Variants in LPGAT1 observed in about 807,000 individuals in gnomAD.
The protein encoded by LPGAT1 is lysophosphatidylglycerol acyltransferase 1, also known as acyl-CoA:lysophosphatidylglycerol acyltransferase 1.
LPGAT1 carries 11 observed loss-of-function variants against 47.5 expected under a neutral mutation model. The ratio of observed to expected loss-of-function variants is 0.23; its 90% confidence interval spans 0.15 to 0.38. LPGAT1 has a LOEUF of 0.38. Ranked by LOEUF, LPGAT1 falls within the 10% of genes least tolerant of loss-of-function variation. The pLI, the probability that LPGAT1 is intolerant of heterozygous loss-of-function variation, is 1.00. For synonymous variants in LPGAT1, 138 were observed against 144.2 expected (o/e 0.96, Z 0.31); for missense variants, 293 against 439.0 (o/e 0.67, Z 2.97).
chr1:211,764,716 T>C (rs538770374), intron 6 of LPGAT1, among the ~76,000 whole-genome samples: 114 of 152,260 alleles, frequency 7.5e-4, no homozygotes, highest in Non-Finnish European at 1.3e-3. Context: ...TTTCAGAAAC[T>C]CAAATATGAA....
At chr1:211,819,894 G>T (rs904412921) in intron 2 of LPGAT1, among the ~76,000 whole-genome samples, 1 of 151,538 alleles carries the variant, frequency 6.6e-6, no homozygotes, top group Admixed American at 6.6e-5. Flanking sequence ...CTGAGGCAGA[G>T]AATCGCTTGA....
At chr1:211,778,024 G>A (rs897118570) in intron 6 of LPGAT1, among the ~76,000 whole-genome samples, 1 of 152,152 alleles carries the variant, frequency 6.6e-6, no homozygotes, top group Non-Finnish European at 1.5e-5. Flanking sequence ...GCAACATCAG[G>A]AAGTTACCCT....
intron 6 of LPGAT1, among the ~76,000 whole-genome samples, chr1:211,774,171 G>A (rs1658294578): frequency 2.4e-5 from 2 of 82,580 alleles, no homozygotes; most frequent in Admixed American, 2.0e-4. Flanking sequence ...GTCTTGATCT[G>A]TTGCTCAGGC....
intron 2 of LPGAT1, among the ~76,000 whole-genome samples, chr1:211,811,720 C>T (rs543823320): frequency 1.3e-5 from 2 of 151,830 alleles, no homozygotes; most frequent in Non-Finnish European, 2.9e-5. Flanking sequence ...TCCTGCCACC[C>T]GCCACTGCAC....
intron 6 of LPGAT1, among the ~76,000 whole-genome samples, chr1:211,756,332 T>C (rs527339982): frequency 1.1e-4 from 16 of 152,318 alleles, no homozygotes; most frequent in Non-Finnish European, 2.1e-4. Flanking sequence ...AACAGAAAGA[T>C]GAATTAAAGA....
In LPGAT1 at chr1:211,796,695, C is replaced by G. The variant is rs1318050808; in HGVS notation, c.239-3505G>C. ...TCTCTTCCCTTTCCATTCTATTTTC[C>G]CCAAAATTATAGTCTTTCTTTTCTT... On this transcript the variant is annotated intron_variant, in intron 2 of 7. Transcript: ENST00000366997. Among the ~76,000 whole-genome samples, 3 of 152,070 alleles carry G rather than the reference C, an allele frequency of 2.0e-5. No individual in the cohort carries two copies. In the East Asian group the frequency reaches 5.8e-4, roughly 29 times the overall value.
At chr1:211,795,092 T>C (rs1571739503) in intron 2 of LPGAT1, among the ~76,000 whole-genome samples, 2 of 152,164 alleles carry the variant, frequency 1.3e-5, no homozygotes, top group African/African-American at 4.8e-5. Flanking sequence ...TTTTACAAGA[T>C]GGAAAAGTTT....
At chr1:211,761,579 T>A (rs1446665854) in intron 6 of LPGAT1, among the ~76,000 whole-genome samples, 1 of 152,232 alleles carries the variant, frequency 6.6e-6, no homozygotes, top group Non-Finnish European at 1.5e-5. Context: ...AGAGCTTGAA[T>A]CACCAGATTA....
At chr1:211,812,839 C>A (rs769920604) in intron 2 of LPGAT1, among the ~76,000 whole-genome samples, 1 of 152,198 alleles carries the variant, frequency 6.6e-6, no homozygotes, top group Non-Finnish European at 1.5e-5. Context: ...GGATCTCCCC[C>A]AGAACCTCTG....
At chr1:211,798,528 T>C (rs1218819638) in intron 2 of LPGAT1, among the ~76,000 whole-genome samples, 1 of 151,828 alleles carries the variant, frequency 6.6e-6, no homozygotes, top group Admixed American at 6.6e-5. Flanking sequence ...TATAAAAAAA[T>C]TTAAAATTAG....
intron 2 of LPGAT1, among the ~76,000 whole-genome samples, chr1:211,796,176 G>GT (rs1262216869): frequency 6.6e-6 from 1 of 152,006 alleles, no homozygotes; most frequent in Non-Finnish European, 1.5e-5. Flanking sequence ...GATAAATCTA[G>GT]TAAGTGTGAC....
At chr1:211,794,063 T>C (rs1413298483) in intron 2 of LPGAT1, among the ~76,000 whole-genome samples, 1 of 152,170 alleles carries the variant, frequency 6.6e-6, no homozygotes, top group Non-Finnish European at 1.5e-5. Context: ...GAAAAATAAA[T>C]TTCAAACTGT....
Position 211,830,315 on chromosome 1 carries a change from C to T in LPGAT1, c.-28+258G>A. On this transcript the variant is annotated intron_variant, in intron 1 of 7. Transcript: ENST00000366997. This position sits in a 1 kb window ranked among gnomAD's most constrained non-coding sequence, Gnocchi z 5.9. ...CGCGAGCGGGCGCGCTGGCGCCCTA[C>T]TCCCCTCGCGGCTGCCTGCGGACAG... The T allele has an allele frequency of 9.1e-7, 1 of 1,101,556 alleles. No homozygotes were observed. The highest frequency in any genetic ancestry group is 1.1e-6 in the Non-Finnish European group (1 of 904,618). The allele number at this position is 1,101,556 out of a possible 1,614,324, so 68.2% of individuals were successfully genotyped here.
At chr1:211,817,852 G>C (rs1304656545) in intron 2 of LPGAT1, among the ~76,000 whole-genome samples, 1 of 151,934 alleles carries the variant, frequency 6.6e-6, no homozygotes, top group Non-Finnish European at 1.5e-5. Context: ...TTTGTTTTGA[G>C]ACAGAGTCTC....
At position 211,830,507 on chromosome 1, in the gene LPGAT1, C is replaced by A; in HGVS notation, c.-28+66G>T. On this transcript the variant is annotated intron_variant, in intron 1 of 7. Transcript: ENST00000366997. The surrounding 1 kb of genome is among the most constrained non-coding windows in gnomAD (Gnocchi z 5.9). ...GACGACGACACCCCCTTCCCCGCCCCCAGCGCCTCCCCTGGCCCGGCTCCG... is the reference window on the plus strand; with the variant it reads ...GACGACGACACCCCCTTCCCCGCCCACAGCGCCTCCCCTGGCCCGGCTCCG... 8.3e-7 allele frequency: 1 copy of A among 1,199,056 alleles called. No individual in the cohort carries two copies. The highest frequency in any genetic ancestry group is 4.2e-5 in the South Asian group (1 of 23,838). The allele number at this position is 1,199,056 out of a possible 1,614,324, so 74.3% of individuals were successfully genotyped here. A position where few individuals can be genotyped will look rare whatever the true frequency, so the allele number is the denominator to read the frequency against.
chr1:211,814,624 C>T (rs1660108013), intron 2 of LPGAT1, among the ~76,000 whole-genome samples: 1 of 152,108 alleles, frequency 6.6e-6, no homozygotes, highest in South Asian at 2.1e-4. Context: ...TAAATGATCC[C>T]GGTTTCATCA....
At position 211,775,005 on chromosome 1, in the gene LPGAT1, A is replaced by G. The variant is rs1047156170; in HGVS notation, c.854+3913T>C. On this transcript the variant is annotated intron_variant, in intron 6 of 7. Coordinates refer to ENST00000366997, the MANE Select transcript of LPGAT1 (RefSeq NM_014873.3). ...GAACTTATTAACACAGTATGAAGGG[A>G]GTTTTACTCTGTGGGAAAACGCCAC... 6.6e-5 allele frequency among the ~76,000 whole-genome samples: 10 copies of G among 152,250 alleles called. No individual in the cohort carries two copies. The East Asian group carries it at 1.9e-3, about 29-fold the overall frequency.
chr1:211,762,718 C>A (rs1657749850), intron 6 of LPGAT1, among the ~76,000 whole-genome samples: 1 of 152,078 alleles, frequency 6.6e-6, no homozygotes, highest in African/African-American at 2.4e-5. Flanking sequence ...TCAGAATGTG[C>A]TCTTAAATAG....
intron 2 of LPGAT1, among the ~76,000 whole-genome samples, chr1:211,799,091 A>G (rs77216783): frequency 1.3e-5 from 2 of 152,178 alleles, no homozygotes; most frequent in African/African-American, 2.4e-5. Flanking sequence ...TGAAGTGCTG[A>G]TAAGTTTAAT....
Sources: gnomAD v4.1 joint callset for allele counts (sites outside exome capture counted in the v4.1 genomes callset) on GRCh38, gnomAD v4.1.1 for gene constraint, Gnocchi (gnomAD v3.1) non-coding constraint, MANE v1.5 for transcripts, NCBI Gene and HGNC (gene_info 2026-07-23, HGNC 2026-07-21) for gene names.